The following SLC38A10 variants were observed in gnomAD, a reference collection of about 807,000 sequenced individuals.
SLC38A10 encodes solute carrier family 38 member 10.
In SLC38A10, 53 loss-of-function variants were observed where a neutral mutation model predicts 81.0. The observed-to-expected ratio is 0.65, with a 90% CI of 0.53 to 0.82. The LOEUF (loss-of-function observed/expected upper bound fraction) is 0.82, where lower values mean the gene tolerates loss of function less well. Among genes scored for constraint, SLC38A10 ranks in the 40% least tolerant of loss-of-function variants. The probability of loss-of-function intolerance (pLI) is 0.00; values close to 1 mark genes in which losing one functional copy is unlikely to be tolerated. For missense variants in SLC38A10, 1,471 were observed against 1,545.0 expected (o/e 0.95, Z 0.80); for synonymous variants, 665 against 655.3 (o/e 1.01, Z -0.23).
In SLC38A10 at chr17:81,281,861, A is replaced by C. The variant is rs1375156369; in HGVS notation, c.501+328T>G. 6.6e-6 allele frequency among the ~76,000 whole-genome samples: 1 copy of C among 152,190 alleles called. No individual in the cohort carries two copies. The highest frequency in any genetic ancestry group is 2.1e-4 in the South Asian group (1 of 4,836). On this transcript the variant is annotated intron_variant, in intron 5 of 15. Coordinates refer to ENST00000374759, the MANE Select transcript of SLC38A10 (RefSeq NM_001037984.3). This position sits in a 1 kb window ranked among gnomAD's most constrained non-coding sequence, Gnocchi z 5.3. Reference sequence around the variant, plus strand: ...CGTGAGCCTTGGTCACAAACCCTACATAAGACATCTTTGCATAAAGCAAGT... The same window carrying C: ...CGTGAGCCTTGGTCACAAACCCTACCTAAGACATCTTTGCATAAAGCAAGT...
intron 2 of SLC38A10, chr17:81,285,504 G>T (rs992871183): frequency 6.6e-6 from 1 of 152,266 alleles, no homozygotes; most frequent in Non-Finnish European, 1.5e-5. Context: ...ATGCGTTCCC[G>T]ACGGGGCGGC....
Position 81,270,990 on chromosome 17 carries a change from C to T in SLC38A10, c.1059G>A (p.Met353Ile). 6.2e-7 allele frequency: 1 copy of T among 1,613,574 alleles called. No individual in the cohort carries two copies. The change falls in exon 10 of 16, where the codon ATG becomes ATA. Residue 353 changes from methionine to isoleucine, a missense_variant. This residue lies in a region of SLC38A10 where 720 missense variants were observed against 827.7 expected (regional missense o/e 0.87). Transcript: ENST00000374759. The surrounding 1 kb of genome is among the most constrained non-coding windows in gnomAD (Gnocchi z 4.0). ...ETILGLTGAT[M>I]GSLICFICPA... Reference sequence around the variant, plus strand: ...GGCAGATGAAGCAGATGAGGCTTCCCATGGTCGCTCCTGTGAGGCCCAGGA... The same window carrying T: ...GGCAGATGAAGCAGATGAGGCTTCCTATGGTCGCTCCTGTGAGGCCCAGGA...
chr17:81,251,870 GCT>G (rs199876302), intron 13 of SLC38A10: 14,766 of 521,442 alleles, frequency 0.028, 283 homozygotes, highest in Middle Eastern at 0.048. Flanking sequence ...GTCCTAAGCA[GCT>G]CTTAGACGGG....
intron 14 of SLC38A10, among the ~76,000 whole-genome samples, chr17:81,249,469 GGA>G (rs1491427662): frequency 9.5e-6 from 1 of 104,792 alleles, no homozygotes; most frequent in Non-Finnish European, 2.1e-5. Context: ...GAGGGAGGAG[GGA>G]AGAGGAGGGA....
intron 1 of SLC38A10, among the ~76,000 whole-genome samples, chr17:81,292,015 A>T (rs1363306797): frequency 6.6e-6 from 1 of 152,188 alleles, no homozygotes. Context: ...AAAATTCATC[A>T]ACAGCACATC....
rs762191909 is a variant in SLC38A10 at position 81,289,697 on chromosome 17, C to G, written c.211G>C (p.Gly71Arg). The change falls in exon 2 of 16, where the codon GGC becomes CGC. Residue 71 changes from glycine (G) to arginine (R), a missense_variant. Gly to Arg is a moderately radical substitution (Grantham distance 125). This residue lies in a region of SLC38A10 where 720 missense variants were observed against 827.7 expected (regional missense o/e 0.87). Coordinates refer to ENST00000374759, the MANE Select transcript of SLC38A10 (RefSeq NM_001037984.3). This position sits in a 1 kb window ranked among gnomAD's most constrained non-coding sequence, Gnocchi z 5.9. ...ASLSKRRTYA[G>R]LAFHAYGKAG... is the part of the protein sequence containing the mutation. Reference sequence around the variant, plus strand: ...TGTGGAGAGGGCGCCTCACCCAGGCCGGCGTAGGTCCTCCGCTTGCTCAGG... The same window carrying G: ...TGTGGAGAGGGCGCCTCACCCAGGCGGGCGTAGGTCCTCCGCTTGCTCAGG... The G allele has an allele frequency of 6.2e-7, 1 of 1,607,616 alleles. No homozygotes were observed. Among genetic ancestry groups the G allele is most frequent in the Non-Finnish European group, 8.5e-7 (1 of 1,178,632 alleles).
At chr17:81,294,663 C>T (rs1354313738) in intron 1 of SLC38A10, among the ~76,000 whole-genome samples, 160 bp downstream of exon 1, 3 of 152,208 alleles carry the variant, frequency 2.0e-5, no homozygotes, top group Non-Finnish European at 4.4e-5. Flanking sequence ...GGATTCTCTA[C>T]GGGAACTGCG....
chr17:81,246,068 C>A lies in SLC38A10; in HGVS notation c.2848G>T (p.Ala950Ser). The A allele has an allele frequency of 6.2e-7, 1 of 1,609,142 alleles. No individual in the cohort carries two copies. The highest frequency in any genetic ancestry group is 1.3e-5 in the African/African-American group (1 of 75,068). The change falls in exon 16 of 16, where the codon GCA becomes TCA. Residue 950 changes from alanine (A) to serine (S), a missense_variant. Coordinates refer to ENST00000374759, the MANE Select transcript of SLC38A10 (RefSeq NM_001037984.3). Reference protein sequence around the residue: ...DLPGGAEGAAAQPQAVLRQPE... With the variant: ...DLPGGAEGAASQPQAVLRQPE... ...TGGCGTAACACAGCCTGGGGCTGTG[C>A]AGCTGCTCCTTCCGCCCCACCGGGC...
At chr17:81,280,988 G>A (rs969962839) in intron 5 of SLC38A10, among the ~76,000 whole-genome samples, 2 of 152,244 alleles carry the variant, frequency 1.3e-5, no homozygotes, top group African/African-American at 4.8e-5. Context: ...CAGAGCAGCT[G>A]CTCTTGCAAG....
In SLC38A10 at chr17:81,251,086, C is replaced by T. The variant is rs2062906200; in HGVS notation, c.2065+407G>A. The T allele has an allele frequency of 3.4e-6, 5 of 1,483,422 alleles. No homozygotes were observed. The South Asian group carries it at 7.2e-5, about 21-fold the overall frequency. 91.9% of individuals were successfully genotyped at this position (1,483,422 alleles called of 1,614,324 possible). ...CCTTGGGGCACAGCCTTAAAATAAA[C>T]CTCCACATCTGGGTGCAGGCACGCC... On this transcript the variant is annotated intron_variant, in intron 14 of 15. Transcript: ENST00000374759.
Position 81,265,722 on chromosome 17 carries a change from G to A in SLC38A10, c.1131+5196C>T, listed in dbSNP as rs928463928. Among the ~76,000 whole-genome samples the A allele has an allele frequency of 2.0e-5, 3 of 152,254 alleles. No homozygotes were observed. Among genetic ancestry groups the A allele is most frequent in the Admixed American group, 6.5e-5 (1 of 15,290 alleles). ...GAGCCCCTGGGACAGTGGCCACGCC[G>A]AGATGTGGCGCCACAGGCCCAGGGT... On this transcript the variant is annotated intron_variant, in intron 10 of 15. Transcript: ENST00000374759. The surrounding 1 kb of genome is among the most constrained non-coding windows in gnomAD (Gnocchi z 4.2).
rs2063294029 is a variant in SLC38A10, at chr17:81,289,615, G to A, written c.217+76C>T. On this transcript the variant is annotated intron_variant, in intron 2 of 15. Coordinates refer to ENST00000374759, the MANE Select transcript of SLC38A10 (RefSeq NM_001037984.3). The surrounding 1 kb of genome is among the most constrained non-coding windows in gnomAD (Gnocchi z 5.9). Reference sequence around the variant, plus strand: ...AGGAATTCTTGAAGAATCAAGTAGAGTAAATAAATAAATAAATAAATGGAA... The same window carrying A: ...AGGAATTCTTGAAGAATCAAGTAGAATAAATAAATAAATAAATAAATGGAA... The A allele has an allele frequency of 2.0e-6, 2 of 982,624 alleles. No homozygotes were observed. Among genetic ancestry groups the A allele is most frequent in the South Asian group, 1.9e-5 (1 of 52,038 alleles). 60.9% of individuals were successfully genotyped at this position (982,624 alleles called of 1,614,324 possible).
At chr17:81,271,148 G>T in intron 9 of SLC38A10, 124 bp from the exon 10 acceptor site, 1 of 780,974 alleles carries the variant, frequency 1.3e-6, no homozygotes, top group Non-Finnish European at 2.1e-6. Context: ...CTAGGCGTGA[G>T]CCGGGAGCAG....
chr17:81,257,298 G>A (rs1457989457), intron 11 of SLC38A10, among the ~76,000 whole-genome samples: 1 of 152,134 alleles, frequency 6.6e-6, no homozygotes, highest in African/African-American at 2.4e-5. Flanking sequence ...GTTTCACCAT[G>A]TTGGCTGGGC....
At chr17:81,249,402 T>TGAAGGAGGGAGGGA (rs2062886988) in intron 14 of SLC38A10, among the ~76,000 whole-genome samples, 1 of 510 alleles carries the variant, frequency 2.0e-3, no homozygotes. Context: ...AAGAGGAGGA[T>TGAAGGAGGGAGGGA]GAAGGAGGGA....
rs2146905489 is a variant in SLC38A10, at chr17:81,260,319, C to T, written c.1207G>A (p.Glu403Lys). ...CCAGGGGCTTCCTCTGCCAAGTCCT[C>T]GGGGACCTCCTCGCTCACAGACAGT... is the stretch of plus-strand genomic sequence containing the variant. ...TTLSVSEEVP[E>K]DLAEEAPGGR... Residue 403 changes from glutamate to lysine, a missense_variant, in exon 11 of 16, where the codon GAG becomes AAG. Glu to Lys is a moderately conservative substitution (Grantham distance 56, BLOSUM62 1). Around this residue, in one of 2 missense-constraint regions of SLC38A10, gnomAD observed 720 missense variants for 827.7 expected, o/e 0.87. Transcript: ENST00000374759. 6.2e-7 allele frequency: 1 copy of T among 1,608,242 alleles called. No individual in the cohort carries two copies. The highest frequency in any genetic ancestry group is 2.2e-5 in the East Asian group (1 of 44,712).
intron 10 of SLC38A10, among the ~76,000 whole-genome samples, chr17:81,269,771 G>A (rs1176921706): frequency 6.6e-6 from 1 of 151,996 alleles, no homozygotes; most frequent in Non-Finnish European, 1.5e-5. Flanking sequence ...GATCACCTGA[G>A]GTCAAGAGTT....
rs770936689 is a variant in SLC38A10 at position 81,246,271 on chromosome 17, C to A, written c.2645G>T (p.Ser882Ile). 2.5e-6 allele frequency: 4 copies of A among 1,612,604 alleles called. No individual in the cohort carries two copies. Among genetic ancestry groups the A allele is most frequent in the Admixed American group, 3.3e-5 (2 of 60,028 alleles). ...TTGGGAACCGCCAGTAACGTCCTGA[C>A]TTTGCCCAGGGAATTCCTCTGCGAG... ...ERLAEEFPGQ[S>I]QDVTGGSQDR... The change falls in exon 16 of 16, where the codon AGT becomes ATT. Residue 882 changes from serine to isoleucine, a missense_variant. Around this residue, in one of 2 missense-constraint regions of SLC38A10, gnomAD observed 751 missense variants for 717.4 expected, o/e 1.05. Transcript: ENST00000374759.
At chr17:81,255,496 G>C (rs920742790) in intron 11 of SLC38A10, among the ~76,000 whole-genome samples, 3 of 152,244 alleles carry the variant, frequency 2.0e-5, no homozygotes, top group African/African-American at 7.2e-5. Context: ...TGTATGGGGA[G>C]TGCCCCCGCC....
Sources: gnomAD v4.1 joint callset for allele counts (sites outside exome capture counted in the v4.1 genomes callset) on GRCh38, gnomAD v4.1.1 for gene constraint, gnomAD v4.1.1 regional missense constraint, Gnocchi (gnomAD v3.1) non-coding constraint, MANE v1.5 for transcripts, NCBI Gene and HGNC (gene_info 2026-07-23, HGNC 2026-07-21) for gene names.